Variants in IFT57 observed in about 807,000 individuals in gnomAD.
IFT57 encodes the protein intraflagellar transport protein 57 homolog.
In IFT57, 59 loss-of-function variants were observed where a neutral mutation model predicts 56.8. The ratio of observed to expected loss-of-function variants is 1.04; its 90% confidence interval spans 0.84 to 1.29. The LOEUF is 1.29. IFT57 is among the 50% of genes most tolerant of loss of function. IFT57 has a pLI of 0.00. For missense variants in IFT57, 470 were observed against 522.1 expected (o/e 0.90, Z 0.97); for synonymous variants, 209 against 186.1 (o/e 1.12, Z -1.00).
rs1426108406 is a variant in IFT57, at chr3:108,162,536, T to G, written c.1231A>C (p.Asn411His). Residue 411 changes from asparagine (N) to histidine (H), a missense_variant, in exon 11 of 11, where the codon AAC (asparagine) becomes CAC (histidine). Asn to His is a moderately conservative substitution (Grantham distance 68). Coordinates refer to ENST00000264538, the MANE Select transcript of IFT57 (RefSeq NM_018010.4). ...LLQSKLKEKS[N>H]MTRNMHATVI... ...GTGGCATGCATGTTCCTAGTCATGT[T>G]GGACTTCTCCTTCAGCTTTGATTGG... 2.5e-6 allele frequency: 4 copies of G among 1,612,504 alleles called. No individual in the cohort carries two copies. In the East Asian group the frequency reaches 8.9e-5, roughly 36 times the overall value.
chr3:108,206,701 GA>G lies in IFT57; in HGVS notation c.586-6del. On this transcript the variant is annotated splice_region_variant and splice_polypyrimidine_tract_variant and intron_variant, in intron 4 of 10. Coordinates refer to ENST00000264538, the MANE Select transcript of IFT57 (RefSeq NM_018010.4). ...TTCATTATCTGTCTCTTCTTCCTTA[GA>G]AAATAAATTTTTAAAAAATTATTAA... 8.6e-7 allele frequency: 1 copy of G among 1,169,518 alleles called. No homozygotes were observed. Among genetic ancestry groups the G allele is most frequent in the Non-Finnish European group, 1.1e-6 (1 of 872,648 alleles). 72.4% of individuals were successfully genotyped at this position (1,169,518 alleles called of 1,614,324 possible).
intron 2 of IFT57, among the ~76,000 whole-genome samples, chr3:108,219,040 A>G (rs1401471553): frequency 6.6e-6 from 1 of 152,202 alleles, no homozygotes; most frequent in Non-Finnish European, 1.5e-5. Flanking sequence ...AAAGTCAGAA[A>G]TGAAAAAGTA....
chr3:108,198,176 G>A (rs139824805), intron 5 of IFT57, among the ~76,000 whole-genome samples: 2 of 152,294 alleles, frequency 1.3e-5, no homozygotes, highest in African/African-American at 2.4e-5. Flanking sequence ...AGGTCAGGCA[G>A]TGTTACTCTA....
At chr3:108,210,549 T>C (rs1285669992) in intron 4 of IFT57, among the ~76,000 whole-genome samples, 1 of 151,966 alleles carries the variant, frequency 6.6e-6, no homozygotes, top group Non-Finnish European at 1.5e-5. Context: ...GCCAGGCTAA[T>C]CTCAAACTCC....
chr3:108,162,305 T>C lies in IFT57; in HGVS notation c.*172A>G, dbSNP rs58273586. The C allele has an allele frequency of 0.095, 42,019 of 443,890 alleles. 2,155 individuals carry two copies. Among genetic ancestry groups the C allele is most frequent in the Middle Eastern group, 0.11 (207 of 1,890 alleles). The allele number at this position is 443,890 out of a possible 1,614,324, so 27.5% of individuals were successfully genotyped here. A position where few individuals can be genotyped will look rare whatever the true frequency, so the allele number is the denominator to read the frequency against. ...AATTTGTAATTTCTTTATTAAACAT[T>C]ACATTCAGTGTAAAGGCTTTAACCA... On this transcript the variant is annotated 3_prime_UTR_variant, in exon 11 of 11. Coordinates refer to ENST00000264538, the MANE Select transcript of IFT57 (RefSeq NM_018010.4).
chr3:108,175,860 A>T (rs2108311757), intron 6 of IFT57, among the ~76,000 whole-genome samples: 2 of 151,784 alleles, frequency 1.3e-5, no homozygotes, highest in South Asian at 4.2e-4. Flanking sequence ...AGAATTATTG[A>T]TAGAAAAAAG....
chr3:108,183,941 T>C (rs1170930554), intron 6 of IFT57, among the ~76,000 whole-genome samples: 1 of 152,180 alleles, frequency 6.6e-6, no homozygotes, highest in African/African-American at 2.4e-5. Context: ...TCAACTATTG[T>C]TATATTCAAC....
intron 7 of IFT57, among the ~76,000 whole-genome samples, chr3:108,167,453 C>A (rs1474989489): frequency 1.3e-5 from 2 of 151,760 alleles, no homozygotes; most frequent in African/African-American, 2.4e-5. Flanking sequence ...AGCAAGCCTG[C>A]GGAGGCTGTA....
intron 1 of IFT57, among the ~76,000 whole-genome samples, chr3:108,221,082 T>C (rs1016564514): frequency 5.9e-5 from 9 of 152,250 alleles, no homozygotes; most frequent in African/African-American, 2.2e-4. Context: ...CAAGCAACAC[T>C]ACTTTTTCCT....
chr3:108,171,613 A>G (rs11921090), intron 6 of IFT57, among the ~76,000 whole-genome samples: 14,613 of 151,800 alleles, frequency 0.096, 767 homozygotes, highest in Middle Eastern at 0.12. Flanking sequence ...CACAGAGTTG[A>G]CAACGGAACA....
chr3:108,219,796 A>G lies in IFT57; in HGVS notation c.213-224T>C, dbSNP rs150318939. ...GGGCAATTACTACTGTACCCAAAATATTAGATCAAAGACCTTACACCCAGG... is the reference window on the plus strand; with the variant it reads ...GGGCAATTACTACTGTACCCAAAATGTTAGATCAAAGACCTTACACCCAGG... On this transcript the variant is annotated intron_variant, in intron 1 of 10. Transcript: ENST00000264538. Among the ~76,000 whole-genome samples the G allele has an allele frequency of 1.4e-3, 220 of 152,300 alleles. No individual in the cohort carries two copies. The Middle Eastern group carries it at 0.017, about 12-fold the overall frequency.
chr3:108,188,956 C>T (rs2080199624), intron 6 of IFT57, among the ~76,000 whole-genome samples: 1 of 152,150 alleles, frequency 6.6e-6, no homozygotes, highest in African/African-American at 2.4e-5. Context: ...AACTTGCTTC[C>T]TTGTGGGATT....
At chr3:108,193,064 C>G (rs945792055) in intron 5 of IFT57, among the ~76,000 whole-genome samples, 2 of 152,062 alleles carry the variant, frequency 1.3e-5, no homozygotes, top group Non-Finnish European at 2.9e-5. Flanking sequence ...CATTCCATAA[C>G]ACAAAATTTA....
chr3:108,166,761 C>T, intron 8 of IFT57, 93 bp downstream of exon 8: 1 of 1,056,776 alleles, frequency 9.5e-7, no homozygotes, highest in East Asian at 2.8e-5. Context: ...TCATGAAAAG[C>T]ATTTCATGAT....
At chr3:108,177,149 C>T (rs1268142771) in intron 6 of IFT57, among the ~76,000 whole-genome samples, 2 of 151,648 alleles carry the variant, frequency 1.3e-5, no homozygotes, top group Admixed American at 1.3e-4. Context: ...TGAGTTCTTA[C>T]AAGAAGGTTA....
chr3:108,177,911 A>G, intron 6 of IFT57, among the ~76,000 whole-genome samples: 1 of 151,862 alleles, frequency 6.6e-6, no homozygotes, highest in South Asian at 2.1e-4. Flanking sequence ...TGCGAATGAC[A>G]TAATTATAAA....
intron 4 of IFT57, among the ~76,000 whole-genome samples, chr3:108,210,232 AAAT>A (rs2080336273): frequency 6.6e-6 from 1 of 152,118 alleles, no homozygotes; most frequent in South Asian, 2.1e-4. Context: ...ATATTTATAA[AAAT>A]AATTATTAAT....
At chr3:108,193,054 C>T (rs528051330) in intron 5 of IFT57, among the ~76,000 whole-genome samples, 2 of 152,228 alleles carry the variant, frequency 1.3e-5, no homozygotes, top group South Asian at 4.1e-4. Context: ...ATGTTTGAAA[C>T]ATTCCATAAC....
chr3:108,168,279 G>T (rs2080073800), intron 6 of IFT57, among the ~76,000 whole-genome samples: 1 of 151,782 alleles, frequency 6.6e-6, no homozygotes, highest in Admixed American at 6.6e-5. Context: ...AATGAAAATG[G>T]GGCCCTCATC....
Sources: gnomAD v4.1 joint callset for allele counts (sites outside exome capture counted in the v4.1 genomes callset) on GRCh38, gnomAD v4.1.1 for gene constraint, MANE v1.5 for transcripts, NCBI Gene and HGNC (gene_info 2026-07-23, HGNC 2026-07-21) for gene names.